Variants in TOX2 observed in about 807,000 individuals in gnomAD.
The protein encoded by TOX2 is TOX high mobility group box family member 2.
Under a neutral mutation model 47.4 loss-of-function variants are expected in TOX2, and 15 were observed. That is an observed-to-expected ratio of 0.32 (90% CI 0.21 to 0.49). TOX2 has a LOEUF of 0.49. TOX2 is among the 20% of genes least tolerant of loss of function. TOX2 has a pLI of 0.99. For missense variants in TOX2, 622 were observed against 673.1 expected (o/e 0.92, Z 0.84); for synonymous variants, 290 against 296.6 (o/e 0.98, Z 0.23).
Position 44,065,821 on chromosome 20 carries a change from C to A in TOX2, c.1070C>A (p.Thr357Lys), listed in dbSNP as rs764077991. ...YAMPGLASFL[T>K]PSDLQAFRSG... is the part of the protein sequence containing the mutation. ...ATGCCAGGCCTGGCCTCCTTCCTGACGCCGTCGGACCTGCAGGCCTTCCGC... is the reference window on the plus strand; with the variant it reads ...ATGCCAGGCCTGGCCTCCTTCCTGAAGCCGTCGGACCTGCAGGCCTTCCGC... The change falls in exon 7 of 9, where the codon ACG (threonine) becomes AAG (lysine). Residue 357 changes from threonine to lysine, a missense_variant. This residue lies in a region of TOX2 where 294 missense variants were observed against 300.0 expected (regional missense o/e 0.98). Coordinates refer to ENST00000341197, the MANE Select transcript of TOX2 (RefSeq NM_001098797.2). The A allele has an allele frequency of 2.5e-6, 4 of 1,613,842 alleles. No individual in the cohort carries two copies. The highest frequency in any genetic ancestry group is 3.4e-6 in the Non-Finnish European group (4 of 1,179,822).
intron 1 of TOX2, among the ~76,000 whole-genome samples, chr20:43,938,923 G>A (rs2069364988): frequency 6.6e-6 from 1 of 152,164 alleles, no homozygotes; most frequent in Non-Finnish European, 1.5e-5. Flanking sequence ...CTGCCTTATG[G>A]CCTCCTTGTG....
chr20:44,010,859 CAG>C (rs1269882869), intron 3 of TOX2, among the ~76,000 whole-genome samples: 2 of 152,168 alleles, frequency 1.3e-5, no homozygotes, highest in African/African-American at 4.8e-5. Flanking sequence ...CTTAAAAAAA[CAG>C]AGATTTATTC....
chr20:44,009,190 CA>C (rs1473403971), intron 3 of TOX2, among the ~76,000 whole-genome samples: 1 of 152,184 alleles, frequency 6.6e-6, no homozygotes, highest in East Asian at 1.9e-4. Context: ...GCTTTATAGT[CA>C]AACGATCTCA....
intron 1 of TOX2, among the ~76,000 whole-genome samples, chr20:43,951,707 G>GTTTTTTTT (rs59829203): frequency 0.024 from 1,323 of 55,016 alleles, 287 homozygotes; most frequent in African/African-American, 0.065. Flanking sequence ...AACTTATTAT[G>GTTTTTTTT]TTTTTTTTTT....
intron 2 of TOX2, among the ~76,000 whole-genome samples, chr20:43,986,727 T>A (rs1276144608): frequency 6.6e-6 from 1 of 152,190 alleles, no homozygotes; most frequent in African/African-American, 2.4e-5. Flanking sequence ...TATCTAAAGC[T>A]GAATATATGT....
rs1419416609 is a variant in TOX2 at position 43,916,475 on chromosome 20, G to A, written c.99+1485G>A. Reference sequence around the variant, plus strand: ...GATGTGGGGCGGTGGTGGGCGACAAGTGAGGTCTCGCGAAGAGTGGCGGTG... The same window carrying A: ...GATGTGGGGCGGTGGTGGGCGACAAATGAGGTCTCGCGAAGAGTGGCGGTG... On this transcript the variant is annotated intron_variant, in intron 1 of 8. Transcript: ENST00000341197. This position sits in a 1 kb window ranked among gnomAD's most constrained non-coding sequence, Gnocchi z 5.0. 6.6e-6 allele frequency among the ~76,000 whole-genome samples: 1 copy of A among 152,220 alleles called. No homozygotes were observed. The highest frequency in any genetic ancestry group is 1.5e-5 in the Non-Finnish European group (1 of 68,036).
intron 3 of TOX2, among the ~76,000 whole-genome samples, chr20:44,024,593 C>T (rs971967755): frequency 6.6e-5 from 10 of 152,022 alleles, no homozygotes; most frequent in Admixed American, 3.3e-4. Context: ...TTACTTTCTT[C>T]CCAAAGCATA....
intron 2 of TOX2, among the ~76,000 whole-genome samples, chr20:43,992,201 C>T (rs1325152024): frequency 1.3e-5 from 2 of 152,146 alleles, no homozygotes; most frequent in Non-Finnish European, 2.9e-5. Flanking sequence ...GTTTGAGGAA[C>T]GTGGCTGGAG....
At chr20:43,949,874 C>T (rs976222650) in intron 1 of TOX2, among the ~76,000 whole-genome samples, 2 of 152,210 alleles carry the variant, frequency 1.3e-5, no homozygotes, top group African/African-American at 4.8e-5. Flanking sequence ...TTTATTCTCA[C>T]ACGTGCTGCA....
chr20:44,066,779 C>G lies in TOX2; in HGVS notation c.1406C>G (p.Pro469Arg). The G allele has an allele frequency of 2.5e-6, 4 of 1,614,224 alleles. No homozygotes were observed. Among genetic ancestry groups the G allele is most frequent in the Non-Finnish European group, 3.4e-6 (4 of 1,180,036 alleles). Residue 469 changes from proline (P) to arginine (R), a missense_variant, in exon 8 of 9, where the codon CCT (proline) becomes CGT (arginine). Pro to Arg is a moderately radical substitution (Grantham distance 103). Coordinates refer to ENST00000341197, the MANE Select transcript of TOX2 (RefSeq NM_001098797.2). ...EFPSSSGSCS[P>R]GPSNPTSSGD... ...CCCAGCAGCTCGGGATCCTGCTCACCTGGCCCATCCAACCCCACCAGCAGC... is the reference window on the plus strand; with the variant it reads ...CCCAGCAGCTCGGGATCCTGCTCACGTGGCCCATCCAACCCCACCAGCAGC...
At position 43,933,791 on chromosome 20, in the gene TOX2, G is replaced by A. The variant is rs926018277; in HGVS notation, c.99+18801G>A. 2.0e-5 allele frequency among the ~76,000 whole-genome samples: 3 copies of A among 152,128 alleles called. No homozygotes were observed. In the East Asian group the frequency reaches 5.8e-4, roughly 29 times the overall value. ...AGGTATTTCTCCAGAGGGAGCAGCT[G>A]TGGGCAGCTGTGGGCATCAGCACTC... On this transcript the variant is annotated intron_variant, in intron 1 of 8. Coordinates refer to ENST00000341197, the MANE Select transcript of TOX2 (RefSeq NM_001098797.2).
intron 2 of TOX2, among the ~76,000 whole-genome samples, chr20:43,982,628 G>A (rs905922201): frequency 2.0e-5 from 3 of 151,908 alleles, no homozygotes; most frequent in African/African-American, 7.3e-5. Context: ...TGGGGGAGAA[G>A]CTCCTGGGAG....
intron 8 of TOX2, among the ~76,000 whole-genome samples, chr20:44,067,173 CT>C (rs2071839202): frequency 1.3e-5 from 2 of 151,994 alleles, no homozygotes; most frequent in South Asian, 4.1e-4. Context: ...GGCCAGTTCC[CT>C]AGAAGCAGAG....
intron 3 of TOX2, among the ~76,000 whole-genome samples, chr20:44,023,135 G>C (rs1008200876): frequency 6.6e-6 from 1 of 151,724 alleles, no homozygotes; most frequent in Non-Finnish European, 1.5e-5. Flanking sequence ...AGGAGGGAAA[G>C]ATAGAGGAAG....
intron 3 of TOX2, among the ~76,000 whole-genome samples, chr20:44,021,866 C>T (rs2070981241): frequency 6.6e-6 from 1 of 151,688 alleles, no homozygotes; most frequent in African/African-American, 2.4e-5. Context: ...GTACTCCTGG[C>T]CTCAAGTGAT....
At chr20:43,982,656 C>T (rs963651342) in intron 2 of TOX2, among the ~76,000 whole-genome samples, 1 of 151,674 alleles carries the variant, frequency 6.6e-6, no homozygotes, top group Non-Finnish European at 1.5e-5. Flanking sequence ...GCCCACTGCC[C>T]AGCACAGCAT....
chr20:44,020,297 C>T (rs542371779), intron 3 of TOX2, among the ~76,000 whole-genome samples: 5 of 152,208 alleles, frequency 3.3e-5, no homozygotes, highest in South Asian at 2.1e-4. Context: ...TAACTTCCTA[C>T]GTAAGACGGC....
chr20:44,023,438 A>AAAAG (rs2071009248), intron 3 of TOX2, among the ~76,000 whole-genome samples: 1 of 151,562 alleles, frequency 6.6e-6, no homozygotes, highest in African/African-American at 2.4e-5. Flanking sequence ...TCAGAAAAAA[A>AAAAG]AAAAAAAAAA....
At chr20:44,064,496 C>G (rs1204080682) in intron 5 of TOX2, among the ~76,000 whole-genome samples, 2 of 152,204 alleles carry the variant, frequency 1.3e-5, no homozygotes, top group Non-Finnish European at 2.9e-5. Context: ...CATTGTCTTT[C>G]TGTGATCAGT....
Sources: gnomAD v4.1 joint callset for allele counts (sites outside exome capture counted in the v4.1 genomes callset) on GRCh38, gnomAD v4.1.1 for gene constraint, gnomAD v4.1.1 regional missense constraint, Gnocchi (gnomAD v3.1) non-coding constraint, MANE v1.5 for transcripts, NCBI Gene and HGNC (gene_info 2026-07-23, HGNC 2026-07-21) for gene names.